Variants in PDE1A observed in about 807,000 individuals in gnomAD.
PDE1A encodes phosphodiesterase 1A, also known as dual specificity calcium/calmodulin-dependent 3',5'-cyclic nucleotide phosphodiesterase 1A.
PDE1A carries 35 observed loss-of-function variants against 61.7 expected under a neutral mutation model. The observed-to-expected ratio is 0.57, with a 90% CI of 0.43 to 0.75. PDE1A has a LOEUF of 0.75. Among genes scored for constraint, PDE1A ranks in the 30% least tolerant of loss-of-function variants. The probability of loss-of-function intolerance (pLI) is 0.00; values close to 1 mark genes in which losing one functional copy is unlikely to be tolerated. For synonymous variants in PDE1A, 232 were observed against 213.2 expected, an observed-to-expected ratio of 1.09 and a Z score of -0.77; for missense variants, 597 against 630.6, an observed-to-expected ratio of 0.95 and a Z score of 0.57.
chr2:182,239,704 G>A (rs538802345), intron 3 of PDE1A, among the ~76,000 whole-genome samples: 1 of 73,446 alleles, frequency 1.4e-5, no homozygotes, highest in Non-Finnish European at 2.6e-5. Context: ...TTAGGGCAGA[G>A]GAAGGCCTAA....
chr2:182,562,233 A>G, the PDE1A span, among the ~76,000 whole-genome samples: 1 of 152,268 alleles, frequency 6.6e-6, no homozygotes, highest in Non-Finnish European at 1.5e-5. Context: ...CGTCTCATCA[A>G]TACCTAATTT....
chr2:182,540,584 A>G, the PDE1A span, among the ~76,000 whole-genome samples: 242 of 152,218 alleles, frequency 1.6e-3, no homozygotes, highest in Non-Finnish European at 2.7e-3. Context: ...ATAGTGTCTG[A>G]GTTAACCAAA....
At chr2:182,416,269 C>T (rs1242077662) in intron 1 of PDE1A, among the ~76,000 whole-genome samples, 4 of 152,054 alleles carry the variant, frequency 2.6e-5, no homozygotes, top group African/African-American at 9.7e-5. Flanking sequence ...AATTTCAGGG[C>T]GATGATTTTT....
intron 13 of PDE1A, among the ~76,000 whole-genome samples, chr2:182,178,977 C>A (rs186904841): frequency 3.9e-4 from 60 of 152,208 alleles, no homozygotes; most frequent in African/African-American, 1.4e-3. Context: ...TCCATTAATA[C>A]CACAACATTA....
chr2:182,462,531 C>T (rs1433071239), intron 2 of PDE1A, among the ~76,000 whole-genome samples: 1 of 151,746 alleles, frequency 6.6e-6, no homozygotes, highest in Non-Finnish European at 1.5e-5. Context: ...TCATTCTGTG[C>T]ATGAAGAAGG....
the PDE1A span, among the ~76,000 whole-genome samples, chr2:182,592,726 G>T: frequency 2.0e-5 from 3 of 152,090 alleles, no homozygotes; most frequent in Non-Finnish European, 2.9e-5. Flanking sequence ...TATACTCCTG[G>T]TCAGGGTGGC....
chr2:182,303,156 A>G (rs949584991), intron 1 of PDE1A, among the ~76,000 whole-genome samples: 1 of 152,222 alleles, frequency 6.6e-6, no homozygotes, highest in Admixed American at 6.5e-5. Context: ...AATGTCATCT[A>G]GAATGGTGAA....
At chr2:182,342,422 G>A (rs900817894) in intron 1 of PDE1A, among the ~76,000 whole-genome samples, 5 of 152,198 alleles carry the variant, frequency 3.3e-5, no homozygotes, top group East Asian at 1.9e-4. Context: ...GGTGGCTCAC[G>A]CCTGTAATCC....
chr2:182,203,611 T>C (rs1574677840), intron 8 of PDE1A, among the ~76,000 whole-genome samples: 2 of 152,180 alleles, frequency 1.3e-5, no homozygotes, highest in African/African-American at 4.8e-5. Flanking sequence ...AATAAGTATA[T>C]TGTGCTTTGC....
At chr2:182,356,835 G>A (rs1041612062) in intron 1 of PDE1A, among the ~76,000 whole-genome samples, 2 of 152,140 alleles carry the variant, frequency 1.3e-5, no homozygotes, top group African/African-American at 4.8e-5. Context: ...TATACACCAT[G>A]GAATACTATG....
intron 2 of PDE1A, among the ~76,000 whole-genome samples, chr2:182,499,086 C>G (rs1276842185): frequency 1.3e-5 from 2 of 151,062 alleles, no homozygotes; most frequent in African/African-American, 2.4e-5. Flanking sequence ...CTCCTGTGTT[C>G]AAGCAATTCT....
rs984805012 is a variant in PDE1A at position 182,390,890 on chromosome 2, G to A, written c.53+35688C>T. Reference sequence around the variant, plus strand: ...TGAGGAGAACAACCATGCACTGCCTGAGGCAACAGTGATGGCCTCCCCTGA... The same window carrying A: ...TGAGGAGAACAACCATGCACTGCCTAAGGCAACAGTGATGGCCTCCCCTGA... On this transcript the variant is annotated intron_variant, in intron 1 of 13. Transcript: ENST00000351439. 3.3e-5 allele frequency among the ~76,000 whole-genome samples: 5 copies of A among 152,162 alleles called. No individual in the cohort carries two copies. The South Asian group carries it at 8.3e-4, about 25-fold the overall frequency.
At chr2:182,185,776 A>G (rs757173922) in intron 13 of PDE1A, 116 bp downstream of exon 13, 9 of 1,539,194 alleles carry the variant, frequency 5.8e-6, no homozygotes, top group Non-Finnish European at 7.9e-6. Flanking sequence ...AATTCCCAAT[A>G]CCATCAAGGG....
At chr2:182,162,691 G>T (rs1365233950) in intron 13 of PDE1A, among the ~76,000 whole-genome samples, 4 of 152,136 alleles carry the variant, frequency 2.6e-5, no homozygotes, top group Non-Finnish European at 1.5e-5. Flanking sequence ...TTTCAGGGAT[G>T]ACTGGCCACT....
At chr2:182,598,397 C>A in the PDE1A span, among the ~76,000 whole-genome samples, 1 of 152,068 alleles carries the variant, frequency 6.6e-6, no homozygotes, top group South Asian at 2.1e-4. Flanking sequence ...CATGGGGAAA[C>A]CCTGTCTCTA....
the PDE1A span, among the ~76,000 whole-genome samples, chr2:182,679,490 C>T: frequency 1.3e-5 from 2 of 151,648 alleles, no homozygotes; most frequent in Non-Finnish European, 2.9e-5. Context: ...CGTGAGCCAC[C>T]GCACCGGGCT....
intron 1 of PDE1A, among the ~76,000 whole-genome samples, chr2:182,375,110 T>C (rs569131357): frequency 1.3e-5 from 2 of 152,268 alleles, no homozygotes; most frequent in East Asian, 1.9e-4. Context: ...GGAGTACAAT[T>C]TGAGATGAGA....
At chr2:182,584,768 G>T in the PDE1A span, among the ~76,000 whole-genome samples, 1 of 152,174 alleles carries the variant, frequency 6.6e-6, no homozygotes, top group Non-Finnish European at 1.5e-5. Flanking sequence ...AGAAAGCCTG[G>T]CTACACCAGG....
chr2:182,661,511 A>C, the PDE1A span, among the ~76,000 whole-genome samples: 1 of 152,210 alleles, frequency 6.6e-6, no homozygotes, highest in East Asian at 1.9e-4. Flanking sequence ...CATTAAAAGC[A>C]GAAACAGAGT....
Sources: gnomAD v4.1 joint callset for allele counts (sites outside exome capture counted in the v4.1 genomes callset) on GRCh38, gnomAD v4.1.1 for gene constraint, MANE v1.5 for transcripts, NCBI Gene and HGNC (gene_info 2026-07-23, HGNC 2026-07-21) for gene names.